The following CACNA2D3 variants were observed in gnomAD, a reference collection of about 807,000 sequenced individuals.
CACNA2D3 encodes the protein calcium voltage-gated channel auxiliary subunit alpha2delta 3.
In CACNA2D3, 60 loss-of-function variants were observed where a neutral mutation model predicts 160.6. That is an observed-to-expected ratio of 0.37 (90% CI 0.30 to 0.46). The LOEUF is 0.46. Ranked by LOEUF, CACNA2D3 falls within the 20% of genes least tolerant of loss-of-function variation. CACNA2D3 has a pLI of 1.00. For synonymous variants in CACNA2D3, 558 were observed against 492.9 expected (o/e 1.13, Z -1.75); for missense variants, 1,205 against 1,365.0 (o/e 0.88, Z 1.85).
rs61118278 is a variant in CACNA2D3, at chr3:54,667,236, T to TTC, written c.1167+24995_1167+24996insTC. Among the ~76,000 whole-genome samples the TTC allele has an allele frequency of 1.8e-3, 277 of 152,114 alleles. 1 individual carries two copies. The highest frequency in any genetic ancestry group is 6.5e-3 in the African/African-American group (269 of 41,448). On this transcript the variant is annotated intron_variant, in intron 11 of 37. Transcript: ENST00000474759. ...GGACCCTACCTTGAACTATTTTTTT[T>TTC]CAAATATAATGTTGGAACCCTAGGA...
intron 18 of CACNA2D3, among the ~76,000 whole-genome samples, chr3:54,873,876 T>A (rs1699599801): frequency 6.6e-6 from 1 of 152,252 alleles, no homozygotes; most frequent in Non-Finnish European, 1.5e-5. Flanking sequence ...AATTGGAGAA[T>A]TCTGGAATCT....
chr3:54,681,499 T>C (rs573395120), intron 11 of CACNA2D3, among the ~76,000 whole-genome samples: 1 of 138,300 alleles, frequency 7.2e-6, no homozygotes, highest in African/African-American at 2.8e-5. Flanking sequence ...GAGGTTGTAG[T>C]GGGCCAAGAT....
At chr3:54,553,885 A>T (rs1272556093) in intron 5 of CACNA2D3, among the ~76,000 whole-genome samples, 1 of 152,162 alleles carries the variant, frequency 6.6e-6, no homozygotes, top group East Asian at 1.9e-4. Context: ...AATAAATTTG[A>T]TTTTGGAGCC....
In CACNA2D3 at chr3:54,569,989, T is replaced by G. The variant is rs781216988; in HGVS notation, c.773T>G (p.Val258Gly). 1 of 1,614,012 alleles carries G rather than the reference T, an allele frequency of 6.2e-7. No individual in the cohort carries two copies. The highest frequency in any genetic ancestry group is 8.5e-7 in the Non-Finnish European group (1 of 1,179,884). ...GCAGCAACTTCTCCGAAAGACGTGG[T>G]CATTTTAGTTGACGTCAGTGGCAGC... is the stretch of plus-strand genomic sequence containing the variant. ...IQAATSPKDV[V>G]ILVDVSGSMK... The change falls in exon 8 of 38, where the codon GTC becomes GGC. Residue 258 changes from valine to glycine, a missense_variant. This residue lies in a region of CACNA2D3 where 131 missense variants were observed against 201.5 expected (regional missense o/e 0.65). Coordinates refer to ENST00000474759, the MANE Select transcript of CACNA2D3 (RefSeq NM_018398.3).
chr3:54,764,449 G>A (rs936183923), intron 13 of CACNA2D3, 98 bp downstream of exon 13: 4 of 1,424,846 alleles, frequency 2.8e-6, no homozygotes, highest in Non-Finnish European at 3.8e-6. Flanking sequence ...CTTATTTTTT[G>A]TGTTCAGTGA....
chr3:54,512,902 C>T (rs559118708), intron 5 of CACNA2D3, among the ~76,000 whole-genome samples: 14 of 152,246 alleles, frequency 9.2e-5, no homozygotes, highest in Admixed American at 6.5e-4. Context: ...ACAGTCATGG[C>T]GGAAGGCAAG....
rs534982252 is a variant in CACNA2D3, at chr3:54,991,148, A to G, written c.2690+3395A>G. ...TCCAGTAACTCTGAGACAGGCATAA[A>G]TAGGACCAGTTGCACAATTTGCAGG... On this transcript the variant is annotated intron_variant, in intron 31 of 37. Coordinates refer to ENST00000474759, the MANE Select transcript of CACNA2D3 (RefSeq NM_018398.3). 1.2e-4 allele frequency among the ~76,000 whole-genome samples: 18 copies of G among 152,196 alleles called. No individual in the cohort carries two copies. In the East Asian group the frequency reaches 1.5e-3, roughly 13 times the overall value.
chr3:54,155,810 T>C (rs571889448), intron 2 of CACNA2D3, among the ~76,000 whole-genome samples: 1 of 152,320 alleles, frequency 6.6e-6, no homozygotes, highest in Admixed American at 6.5e-5. Flanking sequence ...AGGAAGGTCA[T>C]TCAGGAGCAG....
intron 2 of CACNA2D3, among the ~76,000 whole-genome samples, chr3:54,143,609 C>T (rs187450437): frequency 6.6e-6 from 1 of 152,306 alleles, no homozygotes; most frequent in East Asian, 1.9e-4. Context: ...ACACCATTCT[C>T]CTGCCTCAGC....
intron 11 of CACNA2D3, among the ~76,000 whole-genome samples, chr3:54,713,841 T>C (rs1001994204): frequency 1.3e-5 from 2 of 152,240 alleles, no homozygotes; most frequent in Non-Finnish European, 2.9e-5. Context: ...CTCATGCAGT[T>C]AAATCTTAGC....
intron 5 of CACNA2D3, among the ~76,000 whole-genome samples, chr3:54,552,047 A>G (rs949092601): frequency 6.6e-6 from 1 of 152,220 alleles, no homozygotes; most frequent in African/African-American, 2.4e-5. Context: ...AATGTGCCTA[A>G]GTTCACTCTA....
intron 13 of CACNA2D3, among the ~76,000 whole-genome samples, chr3:54,767,216 A>C (rs551144529): frequency 2.6e-5 from 4 of 152,312 alleles, no homozygotes; most frequent in Non-Finnish European, 5.9e-5. Flanking sequence ...AACAGAACAA[A>C]ATGAATCCAA....
chr3:54,659,962 A>C (rs1254536272), intron 11 of CACNA2D3, among the ~76,000 whole-genome samples: 3 of 152,024 alleles, frequency 2.0e-5, no homozygotes, highest in African/African-American at 7.2e-5. Context: ...GCAAATCCCC[A>C]ACTGCTTTGT....
intron 4 of CACNA2D3, among the ~76,000 whole-genome samples, chr3:54,493,286 A>C (rs763447243): frequency 2.6e-5 from 4 of 152,000 alleles, no homozygotes; most frequent in Non-Finnish European, 4.4e-5. Context: ...TGTGTTGTCC[A>C]GGCTGGTCTC....
At chr3:54,541,278 G>GAAAAAAAAAAAAAAAAA (rs141900915) in intron 5 of CACNA2D3, among the ~76,000 whole-genome samples, 6 of 81,734 alleles carry the variant, frequency 7.3e-5, no homozygotes, top group Admixed American at 1.7e-4. Context: ...CTCCGTCTCA[G>GAAAAAAAAAAAAAAAAA]AAAAAAAAAA....
chr3:54,913,786 A>G (rs1700606145), intron 27 of CACNA2D3, among the ~76,000 whole-genome samples: 1 of 152,178 alleles, frequency 6.6e-6, no homozygotes, highest in East Asian at 1.9e-4. Context: ...AGTTGCATCC[A>G]GATTCCCACT....
intron 27 of CACNA2D3, among the ~76,000 whole-genome samples, chr3:54,960,552 A>T (rs559865817): frequency 6.6e-6 from 1 of 152,344 alleles, no homozygotes; most frequent in African/African-American, 2.4e-5. Flanking sequence ...TACCAAGATT[A>T]TAACAAATGC....
chr3:54,282,144 A>C (rs1442574041), intron 2 of CACNA2D3, among the ~76,000 whole-genome samples: 1 of 152,236 alleles, frequency 6.6e-6, no homozygotes, highest in Admixed American at 6.5e-5. Context: ...CAGTTTGTTA[A>C]AATGCATGTT....
chr3:54,123,409 C>T (rs1202981837), intron 1 of CACNA2D3, 104 bp from the exon 2 acceptor site: 4 of 790,530 alleles, frequency 5.1e-6, no homozygotes, highest in Non-Finnish European at 9.0e-6. Flanking sequence ...CATGTTACAT[C>T]GCACTGCTCC....
Sources: allele counts gnomAD v4.1 joint callset (sites outside exome capture counted in the v4.1 genomes callset), GRCh38; gene constraint gnomAD v4.1.1; regional missense constraint gnomAD v4.1.1; transcripts MANE v1.5; gene names NCBI Gene and HGNC (gene_info 2026-07-23, HGNC 2026-07-21).